SMPD4: variants seen among roughly 807,000 people sequenced by gnomAD.
SMPD4 encodes neutral sphingomyelinase 3.
SMPD4 carries 58 observed loss-of-function variants against 97.8 expected under a neutral mutation model. The observed-to-expected ratio is 0.59, with a 90% CI of 0.48 to 0.74. The LOEUF is 0.74. SMPD4 is among the 30% of genes least tolerant of loss of function. The pLI is 0.00. For synonymous variants in SMPD4, 388 were observed against 450.0 expected, an observed-to-expected ratio of 0.86 and a Z score of 1.74; for missense variants, 853 against 1,080.5, an observed-to-expected ratio of 0.79 and a Z score of 2.95.
At chr2:130,159,944 G>A (rs552731228) in intron 11 of SMPD4, among the ~76,000 whole-genome samples, 5 of 152,164 alleles carry the variant, frequency 3.3e-5, no homozygotes, top group Admixed American at 6.5e-5. Flanking sequence ...CGCCCCTGCC[G>A]CCGGCAGTCA....
intron 8 of SMPD4, among the ~76,000 whole-genome samples, chr2:130,169,374 G>A (rs1340375667): frequency 6.6e-6 from 1 of 152,128 alleles, no homozygotes; most frequent in Non-Finnish European, 1.5e-5. Flanking sequence ...TACAGGCACT[G>A]TGACTATATA....
chr2:130,154,519 G>C (rs770838185), intron 15 of SMPD4, 37 bp from the exon 16 acceptor site: 3 of 1,551,038 alleles, frequency 1.9e-6, no homozygotes, highest in Non-Finnish European at 2.6e-6. Context: ...CCCACTTCCC[G>C]GAGGCAGAGT....
At chr2:130,160,653 C>CT (rs1266461774) in intron 11 of SMPD4, among the ~76,000 whole-genome samples, 1 of 149,794 alleles carries the variant, frequency 6.7e-6, no homozygotes, top group African/African-American at 2.5e-5. Flanking sequence ...CTTCTGTGGG[C>CT]TATAGGGTCA....
rs1315935655 is a variant in SMPD4, at chr2:130,181,527, C to A, written c.-46+3G>T. 4 of 1,602,282 alleles carry A rather than the reference C, an allele frequency of 2.5e-6. No homozygotes were observed. The highest frequency in any genetic ancestry group is 3.4e-6 in the Non-Finnish European group (4 of 1,175,612). On this transcript the variant is annotated splice_donor_region_variant and intron_variant, in intron 1 of 19. Transcript: ENST00000680298. ...TCTCAGGCGCGCATCCCGCGCCACT[C>A]ACCTGTGGGATCCATAGCGTCGCTC... is the stretch of plus-strand genomic sequence containing the variant.
rs544513423 is a variant in SMPD4 at position 130,181,480 on chromosome 2, A to C, written c.-46+50T>G. The C allele has an allele frequency of 1.2e-4, 194 of 1,558,726 alleles. No individual in the cohort carries two copies. In the African/African-American group the frequency reaches 2.4e-3, roughly 20 times the overall value. On this transcript the variant is annotated intron_variant, in intron 1 of 19. Coordinates refer to ENST00000680298, the MANE Select transcript of SMPD4 (RefSeq NM_017951.5). Reference sequence around the variant, plus strand: ...AGATGGCCTCCGCAGGGGCTCGGGGAAGCCCCCAGGGCGCCGGACCGTCTC... The same window carrying C: ...AGATGGCCTCCGCAGGGGCTCGGGGCAGCCCCCAGGGCGCCGGACCGTCTC...
chr2:130,167,377 T>C, intron 9 of SMPD4, 81 bp downstream of exon 9: 1 of 1,595,944 alleles, frequency 6.3e-7, no homozygotes, highest in Non-Finnish European at 8.5e-7. Flanking sequence ...CACCTAGGCC[T>C]CGCAAAGTGC....
rs375242296 is a variant in SMPD4, at chr2:130,164,627, T to G, written c.793-182A>C. ...AATAACTCAAAATGGGTAAGCGACC[T>G]GAGGATAAGCACTAAAACCATACAC... On this transcript the variant is annotated intron_variant, in intron 9 of 19. Coordinates refer to ENST00000680298, the MANE Select transcript of SMPD4 (RefSeq NM_017951.5). 2.7e-3 allele frequency among the ~76,000 whole-genome samples: 407 copies of G among 152,176 alleles called. 2 individuals carry two copies. The highest frequency in any genetic ancestry group is 9.3e-3 in the African/African-American group (388 of 41,516).
chr2:130,174,735 CT>C (rs1380093204), intron 3 of SMPD4, among the ~76,000 whole-genome samples, 178 bp downstream of exon 3: 2 of 152,192 alleles, frequency 1.3e-5, no homozygotes, highest in African/African-American at 4.8e-5. Context: ...CTGAGAACCC[CT>C]GATCTACAAG....
At position 130,165,108 on chromosome 2, in the gene SMPD4, TAAAAAAAAAAAAAAAA is replaced by T. The variant is rs35361623; in HGVS notation, c.793-679_793-664del. Among the ~76,000 whole-genome samples the T allele has an allele frequency of 2.3e-3, 142 of 61,922 alleles. 2 individuals carry two copies. The highest frequency in any genetic ancestry group is 8.1e-3 in the African/African-American group (117 of 14,480). 40.6% of individuals were successfully genotyped at this position (61,922 alleles called of 152,430 possible). ...CTGGCAACAAAGACAGACTCTGATT[TAAAAAAAAAAAAAAAA>T]AAAAAAAAAAAAAGGGCTGGGCACA... On this transcript the variant is annotated intron_variant, in intron 9 of 19. Coordinates refer to ENST00000680298, the MANE Select transcript of SMPD4 (RefSeq NM_017951.5).
At chr2:130,158,758 A>C (rs1220207101) in intron 11 of SMPD4, among the ~76,000 whole-genome samples, 1 of 152,020 alleles carries the variant, frequency 6.6e-6, no homozygotes, top group Non-Finnish European at 1.5e-5. Flanking sequence ...CCTGAGTCTG[A>C]GTGGACATGC....
Position 130,162,555 on chromosome 2 carries a change from C to T in SMPD4, c.865-1283G>A, listed in dbSNP as rs373011546. On this transcript the variant is annotated intron_variant, in intron 10 of 19. Transcript: ENST00000680298. ...TTGCTTGCAGGAACACAGTGGCCTA[C>T]AGCGCCATGGCCATCCTTACTGCCC... 2.0e-4 allele frequency among the ~76,000 whole-genome samples: 30 copies of T among 152,316 alleles called. 1 individual carries two copies. The East Asian group carries it at 2.9e-3, about 15-fold the overall frequency.
chr2:130,174,768 G>A (rs934640262), intron 3 of SMPD4, 146 bp downstream of exon 3: 16 of 555,856 alleles, frequency 2.9e-5, no homozygotes, highest in African/African-American at 1.1e-4. Context: ...AAATGTGTCC[G>A]TAAACATAAT....
intron 8 of SMPD4, among the ~76,000 whole-genome samples, chr2:130,171,341 G>A (rs1412412081): frequency 2.2e-4 from 34 of 151,796 alleles, no homozygotes; most frequent in South Asian, 2.1e-4. Context: ...GACCTCAGGC[G>A]ATCCCTCCAC....
At chr2:130,171,904 C>T (rs1363520374) in intron 8 of SMPD4, among the ~76,000 whole-genome samples, 1 of 152,252 alleles carries the variant, frequency 6.6e-6, no homozygotes, top group Non-Finnish European at 1.5e-5. Flanking sequence ...CCAACCTGTG[C>T]AGGCACGCAT....
At chr2:130,166,887 ACT>A (rs1261865648) in intron 9 of SMPD4, among the ~76,000 whole-genome samples, 7 of 152,206 alleles carry the variant, frequency 4.6e-5, no homozygotes, top group African/African-American at 7.2e-5. Flanking sequence ...AAACCAAAAG[ACT>A]CTGCAACAAT....
At chr2:130,171,758 G>C (rs1448443688) in intron 8 of SMPD4, among the ~76,000 whole-genome samples, 1 of 152,226 alleles carries the variant, frequency 6.6e-6, no homozygotes, top group Non-Finnish European at 1.5e-5. Context: ...AAGGCGATGG[G>C]CCAGTGAGAT....
chr2:130,171,218 C>T (rs1025613090), intron 8 of SMPD4, among the ~76,000 whole-genome samples: 4 of 151,320 alleles, frequency 2.6e-5, no homozygotes, highest in African/African-American at 9.7e-5. Context: ...AATTCTCCCG[C>T]CTCAACCTCC....
chr2:130,157,326 G>A lies in SMPD4; in HGVS notation c.1022C>T (p.Ala341Val). 1.3e-6 allele frequency: 2 copies of A among 1,590,084 alleles called. No individual in the cohort carries two copies. Among genetic ancestry groups the A allele is most frequent in the Non-Finnish European group, 8.6e-7 (1 of 1,169,260 alleles). Residue 341 changes from alanine (A) to valine (V), a missense_variant, in exon 12 of 20, where the codon GCC (alanine) becomes GTC (valine). Ala to Val is a moderately conservative substitution (Grantham distance 64, BLOSUM62 0). Coordinates refer to ENST00000680298, the MANE Select transcript of SMPD4 (RefSeq NM_017951.5). ...RLLLKHLHAF[A>V]NSLKPEQASP... Reference sequence around the variant, plus strand: ...GGCCTGCTCTGGCTTCAGGCTGTTGGCAAAGGCGTGCAGGTGCTTCAGCAG... The same window carrying A: ...GGCCTGCTCTGGCTTCAGGCTGTTGACAAAGGCGTGCAGGTGCTTCAGCAG...
At chr2:130,175,894 C>G (rs986953783) in intron 2 of SMPD4, among the ~76,000 whole-genome samples, 1 of 152,148 alleles carries the variant, frequency 6.6e-6, no homozygotes, top group Non-Finnish European at 1.5e-5. Flanking sequence ...GGAAGAATGT[C>G]CTTCCACATA....
Sources: gnomAD v4.1 joint callset for allele counts (sites outside exome capture counted in the v4.1 genomes callset) on GRCh38, gnomAD v4.1.1 for gene constraint, MANE v1.5 for transcripts, NCBI Gene and HGNC (gene_info 2026-07-23, HGNC 2026-07-21) for gene names.